DDAH1: variants seen among roughly 807,000 people sequenced by gnomAD.
DDAH1 encodes N(G),N(G)-dimethylarginine dimethylaminohydrolase 1.
In DDAH1, 19 loss-of-function variants were observed where a neutral mutation model predicts 28.8. The observed-to-expected ratio is 0.66, with a 90% CI of 0.46 to 0.97. The LOEUF is 0.97. DDAH1 is among the 50% of genes least tolerant of loss of function. DDAH1 has a pLI of 0.00. For synonymous variants in DDAH1, 153 were observed against 154.4 expected (o/e 0.99, Z 0.07); for missense variants, 326 against 375.9 (o/e 0.87, Z 1.10).
At chr1:85,485,425 A>C (rs1255064172) in intron 2 of DDAH1, among the ~76,000 whole-genome samples, 1 of 152,210 alleles carries the variant, frequency 6.6e-6, no homozygotes, top group Non-Finnish European at 1.5e-5. Flanking sequence ...GAGGAGGACA[A>C]ATCCAGAAAT....
intron 1 of DDAH1, among the ~76,000 whole-genome samples, chr1:85,503,518 CATCTATCTATCT>C (rs61426289): frequency 1.1e-3 from 163 of 144,116 alleles, no homozygotes; most frequent in East Asian, 6.0e-3. Flanking sequence ...CTTTAAAGTT[CATCTATCTATCT>C]ATCTATCTAT....
At chr1:85,349,339 G>A (rs1033153173) in intron 4 of DDAH1, among the ~76,000 whole-genome samples, 2 of 152,218 alleles carry the variant, frequency 1.3e-5, no homozygotes, top group African/African-American at 4.8e-5. Flanking sequence ...ATAATACAGA[G>A]AGGAAATTTA....
chr1:85,534,902 G>T (rs1321499587), intron 1 of DDAH1, among the ~76,000 whole-genome samples: 2 of 152,086 alleles, frequency 1.3e-5, no homozygotes, highest in Admixed American at 1.3e-4. Context: ...TCCCAGTAAA[G>T]GTTCCTGTGA....
chr1:85,418,184 A>G (rs762568110), intron 1 of DDAH1, among the ~76,000 whole-genome samples: 1 of 152,218 alleles, frequency 6.6e-6, no homozygotes, highest in Non-Finnish European at 1.5e-5. Flanking sequence ...ACAAAAACAT[A>G]CATTTGATTC....
At chr1:85,559,710 G>C (rs1659086976) in intron 1 of DDAH1, among the ~76,000 whole-genome samples, 1 of 152,002 alleles carries the variant, frequency 6.6e-6, no homozygotes, top group Non-Finnish European at 1.5e-5. Context: ...CTGGATGAGT[G>C]TAGAAGCAGA....
In DDAH1 at chr1:85,397,508, AATGTTTT is replaced by A. The variant is rs550465946; in HGVS notation, c.304-38668_304-38662del. 2.4e-4 allele frequency among the ~76,000 whole-genome samples: 36 copies of A among 152,316 alleles called. No homozygotes were observed. The East Asian group carries it at 6.8e-3, about 29-fold the overall frequency. Reference sequence around the variant, plus strand: ...TATTTAAAACATTGCTGGTTCTCTTAATGTTTTATTTTCCAGATTTAAGAAAACGATT... The same window carrying A: ...TATTTAAAACATTGCTGGTTCTCTTAATTTTCCAGATTTAAGAAAACGATT... On this transcript the variant is annotated intron_variant, in intron 1 of 5. Transcript: ENST00000284031.
intron 1 of DDAH1, chr1:85,380,588 G>T (rs1192809466): frequency 6.6e-6 from 1 of 152,154 alleles, no homozygotes; most frequent in Non-Finnish European, 1.5e-5. Flanking sequence ...AAGGATCAGA[G>T]GTAAGGCAGG....
Position 85,319,954 on chromosome 1 carries a change from G to T in DDAH1, c.*1498C>A, listed in dbSNP as rs948339871. ...AAGGAATAATTTGACTGCAAACATAGAAGTGAGCAGAGCAAGATTTGAAGT... is the reference window on the plus strand; with the variant it reads ...AAGGAATAATTTGACTGCAAACATATAAGTGAGCAGAGCAAGATTTGAAGT... On this transcript the variant is annotated 3_prime_UTR_variant, in exon 6 of 6. Coordinates refer to ENST00000284031, the MANE Select transcript of DDAH1 (RefSeq NM_012137.4). 3 of 152,198 alleles carry T rather than the reference G, an allele frequency of 2.0e-5. No individual in the cohort carries two copies. The highest frequency in any genetic ancestry group is 4.8e-5 in the African/African-American group (2 of 41,450). The allele number at this position is 152,198 out of a possible 1,614,324, so 9.4% of individuals were successfully genotyped here. A position where few individuals can be genotyped will look rare whatever the true frequency, so the allele number is the denominator to read the frequency against.
intron 1 of DDAH1, among the ~76,000 whole-genome samples, chr1:85,456,227 A>G (rs545701336): frequency 4.6e-5 from 7 of 152,342 alleles, no homozygotes; most frequent in Admixed American, 4.6e-4. Context: ...TCAACCCATA[A>G]TTATAGATGC....
At chr1:85,513,743 C>A (rs930094443) in intron 1 of DDAH1, among the ~76,000 whole-genome samples, 10 of 152,126 alleles carry the variant, frequency 6.6e-5, no homozygotes, top group African/African-American at 2.4e-4. Flanking sequence ...CCAACAGACA[C>A]ATGAAAAAAT....
chr1:85,527,634 C>A (rs2100769854), intron 1 of DDAH1, among the ~76,000 whole-genome samples: 1 of 152,254 alleles, frequency 6.6e-6, no homozygotes, highest in Admixed American at 6.5e-5. Flanking sequence ...ACTCTCATCC[C>A]AGGCTAATGA....
upstream of DDAH1, among the ~76,000 whole-genome samples, chr1:85,468,521 C>CTTT (rs145367827): frequency 7.2e-6 from 1 of 139,052 alleles, no homozygotes. Flanking sequence ...GGGAACTCTC[C>CTTT]TTTTTTTTTT....
upstream of DDAH1, among the ~76,000 whole-genome samples, chr1:85,469,384 T>C (rs911895016): frequency 1.3e-5 from 2 of 152,342 alleles, no homozygotes; most frequent in Non-Finnish European, 2.9e-5. Context: ...ACTATTTCCT[T>C]GTTTTATGAT....
chr1:85,460,276 C>A (rs1253356539), intron 1 of DDAH1, among the ~76,000 whole-genome samples: 1 of 152,164 alleles, frequency 6.6e-6, no homozygotes, highest in Non-Finnish European at 1.5e-5. Flanking sequence ...CTACTAAGTA[C>A]CCTAATAAAA....
At chr1:85,388,495 G>GA (rs1651389409) in intron 1 of DDAH1, among the ~76,000 whole-genome samples, 1 of 152,118 alleles carries the variant, frequency 6.6e-6, no homozygotes, top group South Asian at 2.1e-4. Context: ...AGTGACCCAT[G>GA]AAAAAATGCA....
chr1:85,545,081 C>T (rs1459557438), intron 1 of DDAH1, among the ~76,000 whole-genome samples: 1 of 152,180 alleles, frequency 6.6e-6, no homozygotes, highest in African/African-American at 2.4e-5. Context: ...CCCCCTTGCC[C>T]TGCCTCTCAG....
chr1:85,338,585 C>A (rs1420233276), intron 4 of DDAH1, among the ~76,000 whole-genome samples: 1 of 152,150 alleles, frequency 6.6e-6, no homozygotes, highest in African/African-American at 2.4e-5. Flanking sequence ...GTTCTCACAG[C>A]GTATGGATTA....
chr1:85,475,115 C>T (rs1655751381), intron 2 of DDAH1, among the ~76,000 whole-genome samples: 1 of 152,220 alleles, frequency 6.6e-6, no homozygotes, highest in African/African-American at 2.4e-5. Context: ...GAGCCCTTTG[C>T]TCAAATGCTG....
At chr1:85,430,188 T>G (rs1444403808) in intron 1 of DDAH1, among the ~76,000 whole-genome samples, 1 of 152,232 alleles carries the variant, frequency 6.6e-6, no homozygotes, top group South Asian at 2.1e-4. Flanking sequence ...TTGTCAGGTT[T>G]GTCAAAGATC....
Sources: allele counts gnomAD v4.1 joint callset (sites outside exome capture counted in the v4.1 genomes callset), GRCh38; gene constraint gnomAD v4.1.1; transcripts MANE v1.5; gene names NCBI Gene and HGNC (gene_info 2026-07-23, HGNC 2026-07-21).